Variants in DNAAF10 observed in about 807,000 individuals in gnomAD.
DNAAF10 encodes WD repeat domain 92.
A neutral mutation model predicts 43.7 loss-of-function variants in DNAAF10; 28 were observed. That is an observed-to-expected ratio of 0.64 (90% CI 0.48 to 0.88). The LOEUF is 0.88. DNAAF10 is among the 40% of genes least tolerant of loss of function. The pLI is 0.00. For missense variants in DNAAF10, 403 were observed against 439.1 expected (o/e 0.92, Z 0.73); for synonymous variants, 156 against 157.3 (o/e 0.99, Z 0.06).
At chr2:68,134,042 A>T in intron 7 of DNAAF10, 2 of 761,638 alleles carry the variant, frequency 2.6e-6, no homozygotes, top group Non-Finnish European at 3.2e-6. Context: ...CCCTCCAAGT[A>T]CATATTGCTT....
At chr2:68,144,918 T>C (rs1288936558) in intron 2 of DNAAF10, among the ~76,000 whole-genome samples, 2 of 152,218 alleles carry the variant, frequency 1.3e-5, no homozygotes, top group African/African-American at 2.4e-5. Flanking sequence ...ACTGTCATCA[T>C]TCAACTTGAA....
At chr2:68,154,092 C>T (rs1418780280) in intron 1 of DNAAF10, among the ~76,000 whole-genome samples, 1 of 151,848 alleles carries the variant, frequency 6.6e-6, no homozygotes, top group Non-Finnish European at 1.5e-5. Context: ...TAGTTTTACC[C>T]TCTTTTTGGA....
intron 2 of DNAAF10, 118 bp from the exon 3 acceptor site, chr2:68,144,833 T>C (rs1393680325): frequency 3.9e-5 from 51 of 1,318,262 alleles, no homozygotes; most frequent in Non-Finnish European, 4.8e-5. Flanking sequence ...GGTTTTGCTA[T>C]GAAGATAGTT....
At chr2:68,151,123 A>G (rs1312142132) in intron 1 of DNAAF10, among the ~76,000 whole-genome samples, 2 of 152,262 alleles carry the variant, frequency 1.3e-5, no homozygotes, top group African/African-American at 4.8e-5. Flanking sequence ...AAATGTATCT[A>G]CATTGAGAAG....
Position 68,131,217 on chromosome 2 carries a change from C to T in DNAAF10, c.*21G>A. The T allele has an allele frequency of 1.2e-6, 2 of 1,612,984 alleles. No individual in the cohort carries two copies. The highest frequency in any genetic ancestry group is 1.7e-6 in the Non-Finnish European group (2 of 1,179,202). On this transcript the variant is annotated 3_prime_UTR_variant, in exon 8 of 8. Coordinates refer to ENST00000295121, the MANE Select transcript of DNAAF10 (RefSeq NM_138458.4). The stretch of plus-strand genomic sequence containing the variant: ...ACAGGAGTGAGCCACCGTGCCCAGC[C>T]TCAAGTCCAAAGTCTTGAAGTCAAA...
rs1453152500 is a variant in DNAAF10 at position 68,130,115 on chromosome 2, G to GAGAGAGAGATATATATATATATATATAT, written c.*1122_*1123insATATATATATATATATATATCTCTCTCT. On this transcript the variant is annotated 3_prime_UTR_variant, in exon 8 of 8. Transcript: ENST00000295121. ...CAACCGTGCCGTTTTGAGAGAGAGA[G>GAGAGAGAGATATATATATATATATATAT]ATATATATATATATATTTGTTTTTT... 9.0e-5 allele frequency: 12 copies of GAGAGAGAGATATATATATATATATATAT among 132,944 alleles called. No individual in the cohort carries two copies. Among genetic ancestry groups the GAGAGAGAGATATATATATATATATATAT allele is most frequent in the Admixed American group, 3.1e-4 (4 of 12,784 alleles). The allele number at this position is 132,944 out of a possible 1,614,324, so 8.2% of individuals were successfully genotyped here. A position where few individuals can be genotyped will look rare whatever the true frequency, so the allele number is the denominator to read the frequency against.
chr2:68,137,580 T>G (rs1232505769), intron 5 of DNAAF10, 147 bp from the exon 6 acceptor site: 6 of 900,718 alleles, frequency 6.7e-6, no homozygotes, highest in Non-Finnish European at 9.2e-6. Flanking sequence ...CATAAAAATT[T>G]TTTTCCAGCC....
At chr2:68,145,687 G>A (rs913605140) in intron 2 of DNAAF10, among the ~76,000 whole-genome samples, 5 of 152,070 alleles carry the variant, frequency 3.3e-5, no homozygotes, top group Admixed American at 1.3e-4. Flanking sequence ...GCTGAAGTTC[G>A]TCTAATAGGT....
rs530911040 is a variant in DNAAF10, at chr2:68,152,303, A to G, written c.184-4736T>C. On this transcript the variant is annotated intron_variant, in intron 1 of 7. Coordinates refer to ENST00000295121, the MANE Select transcript of DNAAF10 (RefSeq NM_138458.4). ...AAGAACCAAATTAAACTCAAACTGT[A>G]TATCTTCAACGTATTAAACGTATTA... Among the ~76,000 whole-genome samples, 15 of 152,322 alleles carry G rather than the reference A, an allele frequency of 9.8e-5. No individual in the cohort carries two copies. In the South Asian group the frequency reaches 1.9e-3, roughly 19 times the overall value.
At chr2:68,132,387 T>C (rs1672945022) in intron 7 of DNAAF10, among the ~76,000 whole-genome samples, 1 of 152,130 alleles carries the variant, frequency 6.6e-6, no homozygotes, top group Non-Finnish European at 1.5e-5. Flanking sequence ...ATCATTTTGA[T>C]GAAAAAAAAT....
chr2:68,133,518 C>T (rs1375030624), intron 7 of DNAAF10, among the ~76,000 whole-genome samples: 4 of 152,036 alleles, frequency 2.6e-5, no homozygotes, highest in South Asian at 2.1e-4. Flanking sequence ...TGTGGGAGGC[C>T]GAGGCAGGTG....
At chr2:68,145,850 A>G (rs1673302940) in intron 2 of DNAAF10, among the ~76,000 whole-genome samples, 1 of 152,140 alleles carries the variant, frequency 6.6e-6, no homozygotes, top group Admixed American at 6.5e-5. Flanking sequence ...TTCTATTTAC[A>G]TTTCTCTTAA....
chr2:68,138,428 A>G (rs1485561720), intron 5 of DNAAF10, among the ~76,000 whole-genome samples: 1 of 152,198 alleles, frequency 6.6e-6, no homozygotes, highest in Non-Finnish European at 1.5e-5. Flanking sequence ...GCTTTCTGAT[A>G]TTGGCATAAA....
At chr2:68,134,394 C>A in intron 7 of DNAAF10, 1 of 1,104,280 alleles carries the variant, frequency 9.1e-7, no homozygotes, top group South Asian at 2.6e-5. Context: ...CTTTTAGAGG[C>A]AGTGAGTGTT....
At chr2:68,143,430 G>A (rs748480074) in intron 3 of DNAAF10, among the ~76,000 whole-genome samples, 1 of 152,054 alleles carries the variant, frequency 6.6e-6, no homozygotes, top group African/African-American at 2.4e-5. Flanking sequence ...TTATCCGCCC[G>A]CCTCAGCCCC....
intron 2 of DNAAF10, 117 bp from the exon 3 acceptor site, chr2:68,144,832 A>G: frequency 3.8e-6 from 5 of 1,329,246 alleles, no homozygotes; most frequent in Non-Finnish European, 5.0e-6. Context: ...AGGTTTTGCT[A>G]TGAAGATAGT....
chr2:68,138,047 C>T lies in DNAAF10; in HGVS notation c.634-614G>A, dbSNP rs373404499. ...AAAATTAGCCGGGCATGGTGACAGG[C>T]GCCTGTAGTCCCAGTTACTCGGGAG... On this transcript the variant is annotated intron_variant, in intron 5 of 7. Transcript: ENST00000295121. Among the ~76,000 whole-genome samples, 146 of 151,014 alleles carry T rather than the reference C, an allele frequency of 9.7e-4. 2 individuals carry two copies. The East Asian group carries it at 0.016, about 16-fold the overall frequency.
Position 68,130,115 on chromosome 2 carries a change from G to GAGATATATATATATATATATATAT in DNAAF10, c.*1122_*1123insATATATATATATATATATATATCT. On this transcript the variant is annotated 3_prime_UTR_variant, in exon 8 of 8. Coordinates refer to ENST00000295121, the MANE Select transcript of DNAAF10 (RefSeq NM_138458.4). ...CAACCGTGCCGTTTTGAGAGAGAGA[G>GAGATATATATATATATATATATAT]ATATATATATATATATTTGTTTTTT... 1 of 132,944 alleles carries GAGATATATATATATATATATATAT rather than the reference G, an allele frequency of 7.5e-6. No homozygotes were observed. Among genetic ancestry groups the GAGATATATATATATATATATATAT allele is most frequent in the African/African-American group, 2.9e-5 (1 of 34,308 alleles). 8.2% of individuals were successfully genotyped at this position (132,944 alleles called of 1,614,324 possible).
intron 7 of DNAAF10, among the ~76,000 whole-genome samples, chr2:68,133,677 T>A (rs370940043): frequency 2.0e-5 from 3 of 152,162 alleles, no homozygotes; most frequent in Non-Finnish European, 4.4e-5. Context: ...CCCTTGAACC[T>A]GGAGGTGGAG....
Sources: allele counts gnomAD v4.1 joint callset (sites outside exome capture counted in the v4.1 genomes callset), GRCh38; gene constraint gnomAD v4.1.1; transcripts MANE v1.5; gene names NCBI Gene and HGNC (gene_info 2026-07-23, HGNC 2026-07-21).